Variants in LDLRAD3 observed in about 807,000 individuals in gnomAD.
LDLRAD3 encodes low density lipoprotein receptor class A domain containing 3, also known as low-density lipoprotein receptor class A domain-containing protein 3.
In LDLRAD3, 20 loss-of-function variants were observed where a neutral mutation model predicts 29.4. The observed-to-expected ratio is 0.68, with a 90% CI of 0.48 to 0.99. LDLRAD3 has a LOEUF of 0.99. Ranked by LOEUF, LDLRAD3 falls within the 50% of genes least tolerant of loss-of-function variation. LDLRAD3 has a pLI of 0.00. For synonymous variants in LDLRAD3, 157 were observed against 192.7 expected, an observed-to-expected ratio of 0.81 and a Z score of 1.53; for missense variants, 420 against 454.3, an observed-to-expected ratio of 0.92 and a Z score of 0.69.
At position 36,206,951 on chromosome 11, in the gene LDLRAD3, C is replaced by T. The variant is rs539535337; in HGVS notation, c.455-20134C>T. ...CCATGTTGGCCAGGCTGGTCTCAAA[C>T]TCTTGACCTCGTGATACACCCACCT... On this transcript the variant is annotated intron_variant, in intron 4 of 5. Coordinates refer to ENST00000315571, the MANE Select transcript of LDLRAD3 (RefSeq NM_174902.4). 6.6e-5 allele frequency among the ~76,000 whole-genome samples: 10 copies of T among 152,230 alleles called. No individual in the cohort carries two copies. In the East Asian group the frequency reaches 1.9e-3, roughly 29 times the overall value.
chr11:36,123,427 C>T lies in LDLRAD3; in HGVS notation c.454+24966C>T, dbSNP rs1392572091. Among the ~76,000 whole-genome samples, 7 of 152,348 alleles carry T rather than the reference C, an allele frequency of 4.6e-5. No homozygotes were observed. In the South Asian group the frequency reaches 8.3e-4, roughly 18 times the overall value. On this transcript the variant is annotated intron_variant, in intron 4 of 5. Transcript: ENST00000315571. Reference sequence around the variant, plus strand: ...CTCCTGGGAGCAATGTGCTGCCCCACAGCATGGTTTTCTCCTGGCAGTATT... The same window carrying T: ...CTCCTGGGAGCAATGTGCTGCCCCATAGCATGGTTTTCTCCTGGCAGTATT...
chr11:36,157,174 G>T (rs1445342922), intron 4 of LDLRAD3, among the ~76,000 whole-genome samples: 1 of 152,176 alleles, frequency 6.6e-6, no homozygotes, highest in East Asian at 1.9e-4. Flanking sequence ...GCTGTAAGGG[G>T]CTGATGGGGT....
At chr11:36,168,691 G>A (rs1190752780) in intron 4 of LDLRAD3, among the ~76,000 whole-genome samples, 2 of 152,070 alleles carry the variant, frequency 1.3e-5, no homozygotes, top group African/African-American at 4.8e-5. Flanking sequence ...TTGTGTGTGT[G>A]TTAGAGCCGA....
chr11:36,200,779 T>G (rs1855116160), intron 4 of LDLRAD3, among the ~76,000 whole-genome samples: 1 of 152,188 alleles, frequency 6.6e-6, no homozygotes, highest in South Asian at 2.1e-4. Context: ...GCAGTAAGTG[T>G]TCTTCTATCA....
At chr11:36,145,266 C>T (rs1854169345) in intron 4 of LDLRAD3, among the ~76,000 whole-genome samples, 2 of 103,800 alleles carry the variant, frequency 1.9e-5, no homozygotes, top group Admixed American at 8.1e-5. Flanking sequence ...GGGGGGTCAG[C>T]CCCCCGCCCG....
At chr11:36,060,699 C>T (rs193139289) in intron 2 of LDLRAD3, among the ~76,000 whole-genome samples, 11 of 152,322 alleles carry the variant, frequency 7.2e-5, no homozygotes, top group African/African-American at 2.6e-4. Context: ...TTCTAATGTT[C>T]TGGATACTTC....
At chr11:36,224,130 G>A (rs1855467373) in intron 4 of LDLRAD3, among the ~76,000 whole-genome samples, 1 of 150,220 alleles carries the variant, frequency 6.7e-6, no homozygotes, top group Non-Finnish European at 1.5e-5. Context: ...TGTAGTGGTG[G>A]TTGTTACAAG....
chr11:36,206,725 CTTTTTTTT>C (rs33957569), intron 4 of LDLRAD3, among the ~76,000 whole-genome samples: 1 of 133,134 alleles, frequency 7.5e-6, no homozygotes. Flanking sequence ...GTTGATTTTA[CTTTTTTTT>C]TTTTTTTTTT....
chr11:36,029,266 A>G (rs529838121), intron 1 of LDLRAD3, among the ~76,000 whole-genome samples: 1 of 128,206 alleles, frequency 7.8e-6, no homozygotes, highest in East Asian at 2.3e-4. Context: ...CAAACAAACA[A>G]ACAAAAACTG....
intron 1 of LDLRAD3, among the ~76,000 whole-genome samples, chr11:36,032,674 C>G (rs116990112): frequency 0.025 from 3,768 of 152,152 alleles, 65 homozygotes; most frequent in South Asian, 0.04. Flanking sequence ...TCATGACAAC[C>G]CAAAATGTCT....
At chr11:36,148,406 C>T (rs1403749409) in intron 4 of LDLRAD3, among the ~76,000 whole-genome samples, 2 of 152,140 alleles carry the variant, frequency 1.3e-5, no homozygotes, top group South Asian at 2.1e-4. Flanking sequence ...ACTGTAGGGG[C>T]ATCTCGGTTC....
intron 4 of LDLRAD3, among the ~76,000 whole-genome samples, chr11:36,115,215 T>C (rs1339887006): frequency 6.6e-6 from 1 of 152,238 alleles, no homozygotes; most frequent in Non-Finnish European, 1.5e-5. Context: ...AGATACTGTC[T>C]GACTGCAATG....
At chr11:35,983,436 C>G (rs1215852578) in intron 1 of LDLRAD3, among the ~76,000 whole-genome samples, 1 of 152,100 alleles carries the variant, frequency 6.6e-6, no homozygotes, top group African/African-American at 2.4e-5. Flanking sequence ...CCGCATGGAC[C>G]TGTTTGGGCT....
chr11:36,076,594 G>T (rs1430142623), intron 2 of LDLRAD3, among the ~76,000 whole-genome samples: 1 of 152,020 alleles, frequency 6.6e-6, no homozygotes, highest in Non-Finnish European at 1.5e-5. Flanking sequence ...CACCATCTTG[G>T]CCAGGCTGGT....
chr11:36,036,780 G>A (rs924401244), intron 2 of LDLRAD3, among the ~76,000 whole-genome samples: 1 of 152,150 alleles, frequency 6.6e-6, no homozygotes, highest in South Asian at 2.1e-4. Context: ...TTTCTCTGCC[G>A]ATAGATATGG....
intron 1 of LDLRAD3, among the ~76,000 whole-genome samples, chr11:35,947,053 G>A (rs1851066409): frequency 6.6e-6 from 1 of 152,184 alleles, no homozygotes; most frequent in Non-Finnish European, 1.5e-5. Context: ...GATGGGAGTA[G>A]GAGAGGGTGG....
chr11:36,151,338 G>A (rs903547421), intron 4 of LDLRAD3, among the ~76,000 whole-genome samples: 2 of 151,998 alleles, frequency 1.3e-5, no homozygotes, highest in East Asian at 3.9e-4. Context: ...GGTGCACATC[G>A]CAAAACTTCA....
At chr11:36,022,400 A>C (rs959522157) in intron 1 of LDLRAD3, among the ~76,000 whole-genome samples, 5 of 152,160 alleles carry the variant, frequency 3.3e-5, no homozygotes, top group African/African-American at 1.2e-4. Context: ...TGTGTGAAAA[A>C]TTCAGAAGCT....
intron 1 of LDLRAD3, among the ~76,000 whole-genome samples, chr11:36,018,800 G>A (rs915803925): frequency 6.6e-6 from 1 of 152,110 alleles, no homozygotes; most frequent in African/African-American, 2.4e-5. Context: ...TCTAAACAAT[G>A]GCATTTCACG....
Sources: allele counts gnomAD v4.1 joint callset (sites outside exome capture counted in the v4.1 genomes callset), GRCh38; gene constraint gnomAD v4.1.1; transcripts MANE v1.5; gene names NCBI Gene and HGNC (gene_info 2026-07-23, HGNC 2026-07-21).